Variants in CERS3 observed in about 807,000 individuals in gnomAD.
The protein encoded by CERS3 is ceramide synthase 3.
In CERS3, 33 loss-of-function variants were observed where a neutral mutation model predicts 50.3. The observed-to-expected ratio is 0.66, with a 90% CI of 0.50 to 0.88. CERS3 has a LOEUF of 0.88. CERS3 is among the 40% of genes least tolerant of loss of function. The pLI, the probability that CERS3 is intolerant of heterozygous loss-of-function variation, is 0.00. For synonymous variants in CERS3, 176 were observed against 155.2 expected (o/e 1.13, Z -0.99); for missense variants, 470 against 460.3 (o/e 1.02, Z -0.19).
At chr15:100,463,932 C>A (rs1057501764) in intron 10 of CERS3, among the ~76,000 whole-genome samples, 2 of 152,180 alleles carry the variant, frequency 1.3e-5, no homozygotes, top group African/African-American at 4.8e-5. Flanking sequence ...ATCCCGGGTC[C>A]CCACTGATGA....
intron 4 of CERS3, 102 bp downstream of exon 4, chr15:100,490,715 G>A: frequency 1.4e-6 from 1 of 714,340 alleles, no homozygotes; most frequent in Non-Finnish European, 2.4e-6. Context: ...TCATTTGCTG[G>A]TCAACTAGAA....
intron 4 of CERS3, among the ~76,000 whole-genome samples, chr15:100,486,059 G>A (rs2035473883): frequency 1.3e-5 from 2 of 152,256 alleles, no homozygotes; most frequent in Non-Finnish European, 2.9e-5. Context: ...TCTGGCGGAC[G>A]CTTCCAGAGA....
At chr15:100,478,213 T>A (rs1411495122) in intron 7 of CERS3, among the ~76,000 whole-genome samples, 1 of 152,126 alleles carries the variant, frequency 6.6e-6, no homozygotes, top group Non-Finnish European at 1.5e-5. Context: ...TCAAAAAATA[T>A]AATAACTGAA....
intron 1 of CERS3, among the ~76,000 whole-genome samples, chr15:100,538,841 TG>T (rs1404725017): frequency 6.6e-6 from 1 of 152,216 alleles, no homozygotes; most frequent in Non-Finnish European, 1.5e-5. Context: ...TCTTTTCCAT[TG>T]AATCATCAAG....
At chr15:100,481,855 G>A (rs949213705) in intron 5 of CERS3, among the ~76,000 whole-genome samples, 5 of 152,126 alleles carry the variant, frequency 3.3e-5, no homozygotes, top group African/African-American at 9.7e-5. Flanking sequence ...AGAACCCTGA[G>A]GTCAGAATAT....
At chr15:100,403,563 G>T (rs1323805079) in intron 11 of CERS3, among the ~76,000 whole-genome samples, 1 of 152,098 alleles carries the variant, frequency 6.6e-6, no homozygotes, top group African/African-American at 2.4e-5. Flanking sequence ...AAGAAGACAT[G>T]ACTATAGATA....
intron 9 of CERS3, among the ~76,000 whole-genome samples, chr15:100,472,562 T>C (rs1258268545): frequency 6.6e-6 from 1 of 152,184 alleles, no homozygotes; most frequent in Non-Finnish European, 1.5e-5. Context: ...AGTGAATAGA[T>C]GGTGCCATCC....
chr15:100,462,317 T>G (rs547770245), intron 10 of CERS3, among the ~76,000 whole-genome samples: 3 of 152,350 alleles, frequency 2.0e-5, no homozygotes, highest in African/African-American at 7.2e-5. Flanking sequence ...ATGGTTTGAA[T>G]AAATTGCAGT....
intron 3 of CERS3, among the ~76,000 whole-genome samples, chr15:100,495,262 A>G (rs1344223061): frequency 6.6e-6 from 1 of 152,234 alleles, no homozygotes; most frequent in East Asian, 1.9e-4. Flanking sequence ...AAGGCTATCC[A>G]GAGATGGAGA....
At position 100,488,520 on chromosome 15, in the gene CERS3, G is replaced by C. The variant is rs370100158; in HGVS notation, c.288+2297C>G. ...GACACTGGCCAGGTTAATGTGGTAG[G>C]TATGGTGAGACGAGTTTGTTTCTGT... is the stretch of plus-strand genomic sequence containing the variant. On this transcript the variant is annotated intron_variant, in intron 4 of 11. Coordinates refer to ENST00000679737, the MANE Select transcript of CERS3 (RefSeq NM_001378789.1). Among the ~76,000 whole-genome samples, 4 of 152,294 alleles carry C rather than the reference G, an allele frequency of 2.6e-5. 1 individual carries two copies. Among genetic ancestry groups the C allele is most frequent in the African/African-American group, 9.6e-5 (4 of 41,564 alleles).
chr15:100,515,413 G>C (rs893270061), intron 2 of CERS3, among the ~76,000 whole-genome samples: 2 of 152,156 alleles, frequency 1.3e-5, no homozygotes, highest in African/African-American at 4.8e-5. Context: ...TTTCCAGGAG[G>C]CAGTGCTCAC....
intron 11 of CERS3, among the ~76,000 whole-genome samples, chr15:100,406,981 C>T (rs1298999546): frequency 6.6e-6 from 1 of 152,102 alleles, no homozygotes; most frequent in Non-Finnish European, 1.5e-5. Flanking sequence ...CTTTTTGACA[C>T]CATCAGATCT....
At chr15:100,527,337 T>C (rs1847325) in intron 1 of CERS3, among the ~76,000 whole-genome samples, 70,445 of 151,990 alleles carry the variant, frequency 0.46, 16,626 homozygotes, top group Non-Finnish European at 0.5. Flanking sequence ...GCCAGGGTCA[T>C]AGTTAGTAAG....
intron 5 of CERS3, among the ~76,000 whole-genome samples, chr15:100,483,031 G>A (rs2035361416): frequency 6.6e-6 from 1 of 152,182 alleles, no homozygotes; most frequent in African/African-American, 2.4e-5. Flanking sequence ...ACTGTGTCCT[G>A]AATATATTGC....
At chr15:100,495,535 A>G (rs2035784824) in intron 3 of CERS3, among the ~76,000 whole-genome samples, 1 of 152,184 alleles carries the variant, frequency 6.6e-6, no homozygotes, top group African/African-American at 2.4e-5. Context: ...AATGACTAAT[A>G]ATGTTGAGCA....
intron 11 of CERS3, among the ~76,000 whole-genome samples, chr15:100,444,694 C>T (rs1368241780): frequency 6.6e-6 from 1 of 152,190 alleles, no homozygotes; most frequent in Non-Finnish European, 1.5e-5. Flanking sequence ...ACATCAAGCT[C>T]AGGGATTTGC....
chr15:100,448,558 C>T (rs778371369), intron 11 of CERS3, among the ~76,000 whole-genome samples: 12 of 152,294 alleles, frequency 7.9e-5, no homozygotes, highest in South Asian at 2.1e-4. Context: ...GGAGCTCATA[C>T]GAGGTCCCAC....
chr15:100,505,790 C>T (rs534446751), intron 2 of CERS3, among the ~76,000 whole-genome samples: 87 of 152,186 alleles, frequency 5.7e-4, no homozygotes, highest in Admixed American at 1.3e-3. Flanking sequence ...GGCGGATCGC[C>T]TGAGCCCAGG....
chr15:100,419,031 C>T, intron 11 of CERS3, among the ~76,000 whole-genome samples: 1 of 139,742 alleles, frequency 7.2e-6, no homozygotes, highest in East Asian at 2.1e-4. Flanking sequence ...AACTAACGAG[C>T]AAAATCACCA....
Sources: allele counts gnomAD v4.1 joint callset (sites outside exome capture counted in the v4.1 genomes callset), GRCh38; gene constraint gnomAD v4.1.1; transcripts MANE v1.5; gene names NCBI Gene and HGNC (gene_info 2026-07-23, HGNC 2026-07-21).